SLC25A48: variants seen among roughly 807,000 people sequenced by gnomAD.
SLC25A48 encodes solute carrier family 25 member 48.
SLC25A48 carries 29 observed loss-of-function variants against 32.2 expected under a neutral mutation model. The observed-to-expected ratio is 0.90, with a 90% CI of 0.67 to 1.23. SLC25A48 has a LOEUF of 1.23. Ranked by LOEUF, SLC25A48 falls within the 50% of genes most tolerant of loss-of-function variation. The pLI, the probability that SLC25A48 is intolerant of heterozygous loss-of-function variation, is 0.00. For missense variants in SLC25A48, 399 were observed against 422.7 expected, an observed-to-expected ratio of 0.94 and a Z score of 0.49; for synonymous variants, 164 against 172.3, an observed-to-expected ratio of 0.95 and a Z score of 0.38.
At chr5:135,684,112 T>C (rs1753962835) in intron 3 of SLC25A48, among the ~76,000 whole-genome samples, 1 of 152,208 alleles carries the variant, frequency 6.6e-6, no homozygotes, top group Non-Finnish European at 1.5e-5. Context: ...GTAACATATG[T>C]TCATGATATA....
At chr5:135,613,545 GT>G (rs1752120942) in intron 1 of SLC25A48, among the ~76,000 whole-genome samples, 1 of 152,090 alleles carries the variant, frequency 6.6e-6, no homozygotes. Flanking sequence ...TCTTCCAGTG[GT>G]ATTATAGTTT....
At chr5:135,740,115 A>G (rs532190565) in intron 3 of SLC25A48, among the ~76,000 whole-genome samples, 5 of 152,154 alleles carry the variant, frequency 3.3e-5, no homozygotes, top group Non-Finnish European at 7.3e-5. Flanking sequence ...TGACCCTCAA[A>G]TGGAAAGAGA....
intron 3 of SLC25A48, among the ~76,000 whole-genome samples, chr5:135,807,996 T>C (rs1329678380): frequency 1.3e-5 from 2 of 150,828 alleles, no homozygotes; most frequent in Non-Finnish European, 3.0e-5. Context: ...ATATCATACA[T>C]ATTTTCTTAA....
chr5:135,706,067 A>G (rs1754500681), intron 3 of SLC25A48, among the ~76,000 whole-genome samples: 1 of 152,042 alleles, frequency 6.6e-6, no homozygotes, highest in Admixed American at 6.5e-5. Context: ...CTTTCTTTTC[A>G]AAGAAAGCCT....
chr5:135,768,856 A>G (rs1254219206), intron 3 of SLC25A48, among the ~76,000 whole-genome samples: 2 of 151,826 alleles, frequency 1.3e-5, no homozygotes, highest in Non-Finnish European at 2.9e-5. Context: ...CCCTTTGTGT[A>G]CACCTTCCTG....
intron 3 of SLC25A48, chr5:135,648,582 G>C (rs1030426753): frequency 2.6e-4 from 40 of 152,288 alleles, no homozygotes; most frequent in African/African-American, 9.1e-4. Flanking sequence ...AGTGCCATGT[G>C]AGCCTGGGCA....
At chr5:135,620,346 TCCTTCGGGCCAC>T (rs1316825730) in intron 1 of SLC25A48, among the ~76,000 whole-genome samples, 4 of 152,110 alleles carry the variant, frequency 2.6e-5, no homozygotes, top group African/African-American at 9.7e-5. Context: ...GGGCAGACCT[TCCTTCGGGCCAC>T]CCAGTGGTAT....
At chr5:135,749,456 CCCATCCCTGGCCT>C (rs1340631238) in intron 3 of SLC25A48, among the ~76,000 whole-genome samples, 4 of 152,122 alleles carry the variant, frequency 2.6e-5, no homozygotes, top group Non-Finnish European at 4.4e-5. Context: ...ATTCCCAGGC[CCCATCCCTGGCCT>C]CCTGAATCAG....
intron 3 of SLC25A48, among the ~76,000 whole-genome samples, chr5:135,747,215 C>T (rs1229829446): frequency 6.6e-6 from 1 of 151,732 alleles, no homozygotes; most frequent in African/African-American, 2.4e-5. Context: ...GTGATTTTAG[C>T]AGCATTGATG....
intron 4 of SLC25A48, among the ~76,000 whole-genome samples, chr5:135,855,656 T>C (rs980103386): frequency 6.6e-6 from 1 of 152,222 alleles, no homozygotes; most frequent in Non-Finnish European, 1.5e-5. Flanking sequence ...TATTTTACAA[T>C]GGCAACAGCA....
chr5:135,837,738 C>T (rs184322686), intron 1 of SLC25A48, among the ~76,000 whole-genome samples: 3 of 152,294 alleles, frequency 2.0e-5, no homozygotes, highest in African/African-American at 7.2e-5. Flanking sequence ...TGACTTTGCT[C>T]CTCTTTAACA....
intron 3 of SLC25A48, among the ~76,000 whole-genome samples, chr5:135,744,845 C>A (rs1408504746): frequency 6.6e-6 from 1 of 151,964 alleles, no homozygotes; most frequent in East Asian, 2.0e-4. Flanking sequence ...AGTTCAAGAC[C>A]AGCCTGGCCA....
At chr5:135,651,401 C>A (rs888953002) in intron 3 of SLC25A48, among the ~76,000 whole-genome samples, 15 of 152,152 alleles carry the variant, frequency 9.9e-5, no homozygotes, top group African/African-American at 3.1e-4. Context: ...ACAGTGAGTT[C>A]CTAGGCATGG....
intron 3 of SLC25A48, among the ~76,000 whole-genome samples, chr5:135,799,606 T>G (rs1307078889): frequency 6.6e-6 from 1 of 151,566 alleles, no homozygotes; most frequent in Non-Finnish European, 1.5e-5. Context: ...CTCCAAATAT[T>G]GCAGGGGCTG....
At chr5:135,690,456 G>C (rs573204329) in intron 3 of SLC25A48, among the ~76,000 whole-genome samples, 7 of 152,302 alleles carry the variant, frequency 4.6e-5, no homozygotes, top group African/African-American at 1.4e-4. Context: ...GATTGTATGA[G>C]GAGATTTGAT....
chr5:135,622,276 G>A (rs1286265898), intron 1 of SLC25A48, among the ~76,000 whole-genome samples: 1 of 152,168 alleles, frequency 6.6e-6, no homozygotes, highest in Non-Finnish European at 1.5e-5. Context: ...TCAAGAGCCT[G>A]AAAAATATTT....
At chr5:135,830,010 G>A (rs1758162132), upstream of SLC25A48, among the ~76,000 whole-genome samples, 1 of 151,926 alleles carries the variant, frequency 6.6e-6, no homozygotes, top group South Asian at 2.1e-4. Context: ...ATCTACACAG[G>A]TACAGAGATT....
intron 3 of SLC25A48, among the ~76,000 whole-genome samples, chr5:135,672,816 A>T (rs1042393284): frequency 6.6e-6 from 1 of 152,198 alleles, no homozygotes; most frequent in African/African-American, 2.4e-5. Flanking sequence ...TACAATCAAG[A>T]TTATAAATGT....
At chr5:135,646,875 G>A (rs60176500) in intron 3 of SLC25A48, among the ~76,000 whole-genome samples, 3,831 of 151,312 alleles carry the variant, frequency 0.025, 162 homozygotes, top group African/African-American at 0.087. Context: ...TATACAGGAT[G>A]AATAGGTTCT....
Sources: allele counts gnomAD v4.1 joint callset (sites outside exome capture counted in the v4.1 genomes callset), GRCh38; gene constraint gnomAD v4.1.1; transcripts MANE v1.5; gene names NCBI Gene and HGNC (gene_info 2026-07-23, HGNC 2026-07-21).